The following ADAMTSL2 variants were observed in gnomAD, a reference collection of about 807,000 sequenced individuals.
The protein encoded by ADAMTSL2 is ADAMTS like 2, also known as ADAMTS-like protein 2.
ADAMTSL2 carries 55 observed loss-of-function variants against 117.0 expected under a neutral mutation model. The observed-to-expected ratio is 0.47, with a 90% CI of 0.38 to 0.59. ADAMTSL2 has a LOEUF of 0.59. Among genes scored for constraint, ADAMTSL2 ranks in the 20% least tolerant of loss-of-function variants. The pLI is 0.00. For missense variants in ADAMTSL2, 1,182 were observed against 1,354.5 expected, an observed-to-expected ratio of 0.87 and a Z score of 2.00; for synonymous variants, 572 against 566.4, an observed-to-expected ratio of 1.01 and a Z score of -0.14.
intron 7 of ADAMTSL2, among the ~76,000 whole-genome samples, chr9:133,543,754 G>T (rs11516159): frequency 6.6e-6 from 1 of 152,092 alleles, no homozygotes; most frequent in Non-Finnish European, 1.5e-5. Flanking sequence ...GTCCCAGGGC[G>T]TATTAAAATC....
In ADAMTSL2 at chr9:133,574,682, T is replaced by C. The variant is rs1831186884; in HGVS notation, c.2738-64T>C. The C allele has an allele frequency of 4.9e-6, 7 of 1,439,202 alleles. No homozygotes were observed. The East Asian group carries it at 1.6e-4, about 33-fold the overall frequency. The allele number at this position is 1,439,202 out of a possible 1,614,324, so 89.2% of individuals were successfully genotyped here. On this transcript the variant is annotated intron_variant, in intron 18 of 18. Coordinates refer to ENST00000651351, the MANE Select transcript of ADAMTSL2 (RefSeq NM_014694.4). The stretch of plus-strand genomic sequence containing the variant: ...CTGGAAAACGGCACGTGGGGGTCCC[T>C]GGGGTTTTCGCCCCTTGGCCACCTC...
At chr9:133,539,438 C>T (rs909965698) in intron 4 of ADAMTSL2, among the ~76,000 whole-genome samples, 9 of 152,198 alleles carry the variant, frequency 5.9e-5, no homozygotes, top group South Asian at 2.1e-4. Flanking sequence ...AGGACACGGG[C>T]GAGGGGAGCA....
At position 133,557,589 on chromosome 9, in the gene ADAMTSL2, G is replaced by C. The variant is rs1039251887; in HGVS notation, c.1649+1659G>C. Among the ~76,000 whole-genome samples, 22 of 152,170 alleles carry C rather than the reference G, an allele frequency of 1.4e-4. No individual in the cohort carries two copies. The highest frequency in any genetic ancestry group is 2.8e-4 in the Non-Finnish European group (19 of 68,004). ...GGAGGGACGGACCCAGACAGTGCCT[G>C]CCTGTGGGAACGGCACTACTCAAGG... On this transcript the variant is annotated intron_variant, in intron 11 of 18. Transcript: ENST00000651351. This position sits in a 1 kb window ranked among gnomAD's most constrained non-coding sequence, Gnocchi z 5.2.
chr9:133,563,119 G>A (rs1471184463), intron 12 of ADAMTSL2, among the ~76,000 whole-genome samples: 5 of 152,254 alleles, frequency 3.3e-5, no homozygotes, highest in African/African-American at 7.2e-5. Context: ...GAACTGGGAC[G>A]CCTGCTTATC....
chr9:133,549,519 G>A (rs1830433452), intron 9 of ADAMTSL2, among the ~76,000 whole-genome samples: 1 of 148,982 alleles, frequency 6.7e-6, no homozygotes, highest in Admixed American at 6.7e-5. Context: ...TGGCCCCAGG[G>A]TCAAACAACG....
At chr9:133,538,796 T>C (rs1241455250) in intron 4 of ADAMTSL2, among the ~76,000 whole-genome samples, 1 of 152,056 alleles carries the variant, frequency 6.6e-6, no homozygotes, top group Non-Finnish European at 1.5e-5. Flanking sequence ...CCCCGTCCCA[T>C]GAAACAGTAC....
At chr9:133,573,792 C>T in intron 17 of ADAMTSL2, 51 bp from the exon 18 acceptor site, 1 of 1,612,088 alleles carries the variant, frequency 6.2e-7, no homozygotes, top group Non-Finnish European at 8.5e-7. Flanking sequence ...CTGCCCAGGC[C>T]CCTGCCCCAT....
intron 7 of ADAMTSL2, among the ~76,000 whole-genome samples, chr9:133,541,302 T>C (rs541380663): frequency 6.6e-5 from 10 of 151,980 alleles, no homozygotes; most frequent in African/African-American, 2.4e-4. Flanking sequence ...CTTTTTTTTT[T>C]TTTTGAGACA....
At chr9:133,545,615 C>T (rs745880119) in intron 8 of ADAMTSL2, among the ~76,000 whole-genome samples, 1 of 152,212 alleles carries the variant, frequency 6.6e-6, no homozygotes, top group Non-Finnish European at 1.5e-5. Context: ...CCGGGCCTCT[C>T]GCCAGGCCAG....
chr9:133,545,439 A>T (rs1301156381), intron 8 of ADAMTSL2, among the ~76,000 whole-genome samples: 2 of 152,204 alleles, frequency 1.3e-5, no homozygotes, highest in African/African-American at 4.8e-5. Context: ...GAAGGTCTTC[A>T]GGCTGGGACC....
rs1173540297 is a variant in ADAMTSL2 at position 133,557,712 on chromosome 9, C to A, written c.1649+1782C>A. 6.6e-6 allele frequency among the ~76,000 whole-genome samples: 1 copy of A among 152,174 alleles called. No homozygotes were observed. Among genetic ancestry groups the A allele is most frequent in the African/African-American group, 2.4e-5 (1 of 41,452 alleles). On this transcript the variant is annotated intron_variant, in intron 11 of 18. Transcript: ENST00000651351. The surrounding 1 kb of genome is among the most constrained non-coding windows in gnomAD (Gnocchi z 5.2). ...TCCGTGTGTGAGGCCCACGGTAAGG[C>A]CTCCAGTAAGTAGAAGCTATTAGTA...
Position 133,558,043 on chromosome 9 carries a change from T to A in ADAMTSL2, c.1649+2113T>A, listed in dbSNP as rs750900734. Reference sequence around the variant, plus strand: ...CAGGGTCATGGCACAAGCTTACGGATCCTCAAGCCGCTTTGTAAAGAGTCT... The same window carrying A: ...CAGGGTCATGGCACAAGCTTACGGAACCTCAAGCCGCTTTGTAAAGAGTCT... On this transcript the variant is annotated intron_variant, in intron 11 of 18. Coordinates refer to ENST00000651351, the MANE Select transcript of ADAMTSL2 (RefSeq NM_014694.4). The surrounding 1 kb of genome is among the most constrained non-coding windows in gnomAD (Gnocchi z 4.3). Among the ~76,000 whole-genome samples the A allele has an allele frequency of 6.6e-6, 1 of 152,098 alleles. No individual in the cohort carries two copies. Among genetic ancestry groups the A allele is most frequent in the Non-Finnish European group, 1.5e-5 (1 of 68,006 alleles).
At position 133,546,899 on chromosome 9, in the gene ADAMTSL2, A is replaced by G. The variant is rs151237240; in HGVS notation, c.764-139A>G. 5.4e-4 allele frequency: 483 copies of G among 888,372 alleles called. 4 individuals carry two copies. In the African/African-American group the frequency reaches 7.1e-3, roughly 13 times the overall value. The allele number at this position is 888,372 out of a possible 1,614,324, so 55.0% of individuals were successfully genotyped here. A position where few individuals can be genotyped will look rare whatever the true frequency, so the allele number is the denominator to read the frequency against. ...TCCGCATTCACTGGCCAGACTCTCC[A>G]TGATGGGAGTTTCCTGTCTCGGGAG... On this transcript the variant is annotated intron_variant, in intron 8 of 18. Transcript: ENST00000651351.
chr9:133,564,115 A>G (rs868123679), intron 12 of ADAMTSL2, among the ~76,000 whole-genome samples: 1 of 30,228 alleles, frequency 3.3e-5, no homozygotes, highest in African/African-American at 1.7e-4. Context: ...AGAGAGAAAA[A>G]GGGGGAGAGA....
intron 4 of ADAMTSL2, among the ~76,000 whole-genome samples, chr9:133,539,446 G>A (rs917070620): frequency 1.3e-5 from 2 of 152,238 alleles, no homozygotes; most frequent in East Asian, 1.9e-4. Flanking sequence ...GGCGAGGGGA[G>A]CACCCTTGCC....
upstream of ADAMTSL2, among the ~76,000 whole-genome samples, chr9:133,533,881 G>A (rs1829989238): frequency 6.6e-6 from 1 of 152,212 alleles, no homozygotes; most frequent in South Asian, 2.1e-4. Context: ...GGGCTCTGGG[G>A]AAGCTGGTGT....
rs1830194372 is a variant in ADAMTSL2 at position 133,540,610 on chromosome 9, A to G, written c.425A>G (p.His142Arg). The G allele has an allele frequency of 1.2e-6, 2 of 1,613,554 alleles. No individual in the cohort carries two copies. The highest frequency in any genetic ancestry group is 1.7e-6 in the Non-Finnish European group (2 of 1,180,030). The part of the protein sequence containing the change: ...WKPLYPDDYV[H>R]ISSKPCDLHC... Reference sequence around the variant, plus strand: ...CTCCCTCCACCAGATGACTATGTCCACATCTCCAGCAAACCGTGTGACCTG... The same window carrying G: ...CTCCCTCCACCAGATGACTATGTCCGCATCTCCAGCAAACCGTGTGACCTG... Residue 142 changes from histidine (H) to arginine (R), a missense_variant, in exon 6 of 19, where the codon CAC (histidine) becomes CGC (arginine). This residue lies in a region of ADAMTSL2 where 372 missense variants were observed against 463.4 expected (regional missense o/e 0.80). Transcript: ENST00000651351.
chr9:133,534,034 C>A (rs1369391569), upstream of ADAMTSL2, among the ~76,000 whole-genome samples: 2 of 152,204 alleles, frequency 1.3e-5, no homozygotes, highest in Non-Finnish European at 2.9e-5. Context: ...GGCTTGAGCT[C>A]CAGGCCTGGC....
chr9:133,555,526 GC>G, intron 10 of ADAMTSL2, 31 bp from the exon 11 acceptor site: 1 of 1,612,846 alleles, frequency 6.2e-7, no homozygotes, highest in Non-Finnish European at 8.5e-7. Context: ...GCTCGGATGT[GC>G]CCACGGTTGA....
Sources: gnomAD v4.1 joint callset for allele counts (sites outside exome capture counted in the v4.1 genomes callset) on GRCh38, gnomAD v4.1.1 for gene constraint, gnomAD v4.1.1 regional missense constraint, Gnocchi (gnomAD v3.1) non-coding constraint, MANE v1.5 for transcripts, NCBI Gene and HGNC (gene_info 2026-07-23, HGNC 2026-07-21) for gene names.